SKA2: variants seen among roughly 807,000 people sequenced by gnomAD.
SKA2 encodes the protein spindle and kinetochore-associated protein 2.
In SKA2, 13 loss-of-function variants were observed where a neutral mutation model predicts 16.9. That is an observed-to-expected ratio of 0.77 (90% CI 0.50 to 1.22). SKA2 has a LOEUF of 1.22. Among genes scored for constraint, SKA2 ranks in the 50% most tolerant of loss-of-function variants. The pLI is 0.00. For missense variants in SKA2, 107 were observed against 139.7 expected (o/e 0.77, Z 1.18); for synonymous variants, 47 against 48.5 (o/e 0.97, Z 0.13).
At chr17:59,138,421 C>T (rs994018827) in intron 1 of SKA2, among the ~76,000 whole-genome samples, 5 of 151,438 alleles carry the variant, frequency 3.3e-5, no homozygotes, top group Admixed American at 3.3e-4. Context: ...GGATGCTCAA[C>T]CAGTTGTTTT....
chr17:59,123,012 A>C (rs1158746892), intron 2 of SKA2, among the ~76,000 whole-genome samples: 1 of 146,562 alleles, frequency 6.8e-6, no homozygotes, highest in Non-Finnish European at 1.5e-5. Context: ...GCAGAGCAAA[A>C]CCTTGTCTCA....
intron 2 of SKA2, among the ~76,000 whole-genome samples, chr17:59,127,473 T>G (rs1254841243): frequency 6.6e-6 from 1 of 152,096 alleles, no homozygotes; most frequent in Non-Finnish European, 1.5e-5. Context: ...ACTGCAACCT[T>G]CACCTCCTGG....
At chr17:59,145,975 G>C (rs1033917439) in intron 1 of SKA2, among the ~76,000 whole-genome samples, 1 of 151,462 alleles carries the variant, frequency 6.6e-6, no homozygotes. Flanking sequence ...GGGTGACAGA[G>C]TGAGACCCTA....
At chr17:59,147,649 A>C (rs1169812530) in intron 1 of SKA2, among the ~76,000 whole-genome samples, 2 of 150,386 alleles carry the variant, frequency 1.3e-5, no homozygotes, top group Non-Finnish European at 3.0e-5. Flanking sequence ...ATTTTATTAG[A>C]GATGGAGTCT....
chr17:59,112,602 G>A (rs947426592), intron 3 of SKA2, among the ~76,000 whole-genome samples: 10 of 152,170 alleles, frequency 6.6e-5, no homozygotes, highest in African/African-American at 2.4e-4. Flanking sequence ...AAGGATTATA[G>A]CAGAACCAAA....
In SKA2 at chr17:59,110,842, A is replaced by G. The variant is rs1164681304; in HGVS notation, c.*1435T>C. On this transcript the variant is annotated 3_prime_UTR_variant, in exon 4 of 4. Coordinates refer to ENST00000330137, the MANE Select transcript of SKA2 (RefSeq NM_182620.4). ...TCTGTTCTTGAAATATTCAAACTAG[A>G]CAGGACAATTTTAACTGAAGCTGTT... The G allele has an allele frequency of 6.6e-6, 1 of 151,854 alleles. No homozygotes were observed. The highest frequency in any genetic ancestry group is 1.5e-5 in the Non-Finnish European group (1 of 67,988). 9.4% of individuals were successfully genotyped at this position (151,854 alleles called of 1,614,324 possible).
intron 2 of SKA2, among the ~76,000 whole-genome samples, chr17:59,127,635 C>T (rs1243827151): frequency 6.6e-6 from 1 of 151,976 alleles, no homozygotes; most frequent in Non-Finnish European, 1.5e-5. Flanking sequence ...GATCAGCCTG[C>T]CTCAGTTTCC....
intron 1 of SKA2, among the ~76,000 whole-genome samples, chr17:59,153,963 AGTTTCACCAT>A (rs1435125220): frequency 6.6e-6 from 1 of 151,618 alleles, no homozygotes; most frequent in Non-Finnish European, 1.5e-5. Flanking sequence ...GTATAGACGG[AGTTTCACCAT>A]GTTGGCCAGG....
intron 3 of SKA2, among the ~76,000 whole-genome samples, chr17:59,118,465 G>A (rs2046311271): frequency 6.6e-6 from 1 of 152,134 alleles, no homozygotes; most frequent in Non-Finnish European, 1.5e-5. Context: ...ATGTTGTCAT[G>A]TACATCTGGA....
At chr17:59,119,842 CAGA>C (rs1361126005) in intron 2 of SKA2, among the ~76,000 whole-genome samples, 1 of 151,764 alleles carries the variant, frequency 6.6e-6, no homozygotes, top group East Asian at 1.9e-4. Context: ...AAATGCTATT[CAGA>C]AGAAGATAAA....
intron 3 of SKA2, among the ~76,000 whole-genome samples, chr17:59,114,887 C>G (rs2046286123): frequency 6.6e-6 from 1 of 152,156 alleles, no homozygotes; most frequent in South Asian, 2.1e-4. Context: ...CACCCCAGAC[C>G]TACAGAATCA....
intron 1 of SKA2, among the ~76,000 whole-genome samples, chr17:59,145,261 C>T (rs769207530): frequency 2.0e-5 from 3 of 152,092 alleles, no homozygotes; most frequent in Admixed American, 6.6e-5. Flanking sequence ...AGTTCACAAA[C>T]GTAATAAACA....
intron 2 of SKA2, among the ~76,000 whole-genome samples, chr17:59,129,919 G>GGGAA (rs368205069): frequency 5.7e-4 from 76 of 133,960 alleles, no homozygotes; most frequent in African/African-American, 1.3e-3. Flanking sequence ...GAGGGAGGGA[G>GGGAA]GGAAGGAAGG....
intron 1 of SKA2, chr17:59,151,236 G>A (rs1468030437): frequency 2.0e-6 from 1 of 498,324 alleles, no homozygotes; most frequent in East Asian, 5.9e-5. Context: ...AGTAGGAAAG[G>A]AACACAAAAG....
At chr17:59,133,432 C>A (rs937920966) in intron 1 of SKA2, among the ~76,000 whole-genome samples, 2 of 152,136 alleles carry the variant, frequency 1.3e-5, no homozygotes, top group African/African-American at 4.8e-5. Flanking sequence ...CAGGCATGGT[C>A]TCCTATTCCT....
intron 1 of SKA2, among the ~76,000 whole-genome samples, chr17:59,143,693 G>A (rs752657172): frequency 1.3e-4 from 19 of 151,684 alleles, no homozygotes; most frequent in East Asian, 3.9e-4. Flanking sequence ...TATTTTTCTC[G>A]AACTCCTGAC....
Position 59,154,182 on chromosome 17 carries a change from A to AG in SKA2, c.33+948_33+949insC, listed in dbSNP as rs1366736521. Among the ~76,000 whole-genome samples the AG allele has an allele frequency of 4.0e-5, 6 of 151,658 alleles. 1 individual carries two copies. The highest frequency in any genetic ancestry group is 2.4e-5 in the African/African-American group (1 of 41,300). ...AGCAGCCCAACCTGGGAAAAAAAAAAAAAAAGAAAAGAAAAGAAAAAAAAG... is the reference window on the plus strand; with the variant it reads ...AGCAGCCCAACCTGGGAAAAAAAAAAGAAAAAGAAAAGAAAAGAAAAAAAAG... On this transcript the variant is annotated intron_variant, in intron 1 of 3. Coordinates refer to ENST00000330137, the MANE Select transcript of SKA2 (RefSeq NM_182620.4).
chr17:59,128,751 T>A (rs1422957266), intron 2 of SKA2, among the ~76,000 whole-genome samples: 2 of 152,096 alleles, frequency 1.3e-5, no homozygotes, highest in African/African-American at 4.8e-5. Flanking sequence ...AGATTCGTCT[T>A]TGGGAGCTTG....
chr17:59,147,630 T>C (rs1383039938), intron 1 of SKA2, among the ~76,000 whole-genome samples: 1 of 151,942 alleles, frequency 6.6e-6, no homozygotes, highest in Non-Finnish European at 1.5e-5. Context: ...ATCTACTTTT[T>C]TTTTTTTAAT....
Sources: gnomAD v4.1 joint callset for allele counts (sites outside exome capture counted in the v4.1 genomes callset) on GRCh38, gnomAD v4.1.1 for gene constraint, MANE v1.5 for transcripts, NCBI Gene and HGNC (gene_info 2026-07-23, HGNC 2026-07-21) for gene names.